The following STAG1 variants were observed in gnomAD, a reference collection of about 807,000 sequenced individuals.
STAG1 encodes the protein cohesin subunit SA-1.
Under a neutral mutation model 170.9 loss-of-function variants are expected in STAG1, and 26 were observed. That is an observed-to-expected ratio of 0.15 (90% CI 0.11 to 0.21). The LOEUF (loss-of-function observed/expected upper bound fraction) is 0.21, where lower values mean the gene tolerates loss of function less well. STAG1 is among the 10% of genes least tolerant of loss of function. The pLI, the probability that STAG1 is intolerant of heterozygous loss-of-function variation, is 1.00. For synonymous variants in STAG1, 514 were observed against 497.7 expected (o/e 1.03, Z -0.44); for missense variants, 964 against 1,509.5 (o/e 0.64, Z 5.99).
chr3:136,454,708 G>A (rs1306456025), intron 13 of STAG1, among the ~76,000 whole-genome samples: 1 of 152,124 alleles, frequency 6.6e-6, no homozygotes, highest in African/African-American at 2.4e-5. Flanking sequence ...TCCATTTATT[G>A]CATATAAATA....
chr3:136,663,757 T>C (rs1311365828), intron 1 of STAG1, among the ~76,000 whole-genome samples: 1 of 152,152 alleles, frequency 6.6e-6, no homozygotes, highest in Non-Finnish European at 1.5e-5. Flanking sequence ...AGAAAGCTGT[T>C]TTATTTTGTT....
intron 7 of STAG1, among the ~76,000 whole-genome samples, chr3:136,516,683 G>T (rs1272976600): frequency 2.6e-5 from 4 of 152,066 alleles, no homozygotes; most frequent in Non-Finnish European, 5.9e-5. Flanking sequence ...AAACCATAAA[G>T]GAAGGGAAAT....
At chr3:136,352,515 G>T (rs545964646) in intron 28 of STAG1, among the ~76,000 whole-genome samples, 8 of 152,240 alleles carry the variant, frequency 5.3e-5, no homozygotes, top group Admixed American at 5.2e-4. Flanking sequence ...AGGAAAATGT[G>T]ATGGATACAT....
At chr3:136,721,566 T>C (rs1055747156) in intron 1 of STAG1, 2 of 152,098 alleles carry the variant, frequency 1.3e-5, no homozygotes, top group Non-Finnish European at 2.9e-5. Context: ...AGTTAAATAA[T>C]TTGGTTCCAT....
intron 7 of STAG1, among the ~76,000 whole-genome samples, chr3:136,520,633 A>G (rs1222037161): frequency 2.6e-5 from 4 of 152,178 alleles, no homozygotes; most frequent in Non-Finnish European, 5.9e-5. Flanking sequence ...TGTCATGATA[A>G]TTCTAAAAGA....
intron 1 of STAG1, among the ~76,000 whole-genome samples, chr3:136,681,665 C>A (rs1252917624): frequency 6.6e-6 from 1 of 152,092 alleles, no homozygotes; most frequent in Non-Finnish European, 1.5e-5. Flanking sequence ...AAACTGAACT[C>A]AACCTCATAT....
chr3:136,372,071 C>A (rs1004745606), intron 23 of STAG1, among the ~76,000 whole-genome samples: 1 of 152,202 alleles, frequency 6.6e-6, no homozygotes, highest in Non-Finnish European at 1.5e-5. Context: ...AGGTCCTTCA[C>A]ATCCCTTGTG....
chr3:136,649,794 G>A (rs1941154216), intron 1 of STAG1, among the ~76,000 whole-genome samples: 2 of 151,218 alleles, frequency 1.3e-5, no homozygotes, highest in South Asian at 4.2e-4. Context: ...TTGAGACAGA[G>A]TCTCACTCTG....
intron 26 of STAG1, among the ~76,000 whole-genome samples, chr3:136,362,186 T>C (rs1466618745): frequency 6.6e-6 from 1 of 151,636 alleles, no homozygotes; most frequent in East Asian, 2.0e-4. Context: ...CTCGAACTCC[T>C]GACCTCAGGT....
At chr3:136,486,804 A>G (rs1430989434) in intron 9 of STAG1, among the ~76,000 whole-genome samples, 1 of 152,130 alleles carries the variant, frequency 6.6e-6, no homozygotes, top group Non-Finnish European at 1.5e-5. Context: ...GGCTGTTTGC[A>G]ACAGGCTAGA....
At chr3:136,387,705 C>A (rs1000374221) in intron 22 of STAG1, among the ~76,000 whole-genome samples, 11 of 152,090 alleles carry the variant, frequency 7.2e-5, no homozygotes, top group Non-Finnish European at 1.5e-4. Flanking sequence ...AATGTAATAC[C>A]TAGTTTTCAG....
intron 7 of STAG1, among the ~76,000 whole-genome samples, chr3:136,512,655 A>C (rs1386708088): frequency 6.6e-6 from 1 of 152,124 alleles, no homozygotes; most frequent in Admixed American, 6.6e-5. Flanking sequence ...AGCCAAGCTT[A>C]AGTGGACTGG....
chr3:136,685,253 T>C (rs13070680), intron 1 of STAG1, among the ~76,000 whole-genome samples: 29,412 of 152,008 alleles, frequency 0.19, 3,007 homozygotes, highest in Middle Eastern at 0.22. Flanking sequence ...GAGGCAGAGG[T>C]TGCAGTAATC....
intron 6 of STAG1, among the ~76,000 whole-genome samples, chr3:136,524,177 A>G (rs558847981): frequency 6.7e-6 from 1 of 149,858 alleles, no homozygotes; most frequent in African/African-American, 2.4e-5. Context: ...TCTATAAATT[A>G]CCTTGGGCAG....
intron 7 of STAG1, among the ~76,000 whole-genome samples, chr3:136,507,701 T>C (rs145052979): frequency 1.3e-5 from 2 of 152,274 alleles, no homozygotes; most frequent in East Asian, 3.9e-4. Flanking sequence ...ACTATATTAT[T>C]TTCCTACTCA....
chr3:136,751,297 G>A (rs1045491439), intron 1 of STAG1, among the ~76,000 whole-genome samples: 2 of 151,704 alleles, frequency 1.3e-5, no homozygotes, highest in African/African-American at 4.8e-5. Flanking sequence ...GTGGGTAGAT[G>A]GGGGTGACGT....
At chr3:136,536,562 G>A (rs1204791081) in intron 6 of STAG1, among the ~76,000 whole-genome samples, 1 of 151,854 alleles carries the variant, frequency 6.6e-6, no homozygotes, top group Non-Finnish European at 1.5e-5. Context: ...TAAGCCAGGC[G>A]TGGTGGTGTG....
intron 21 of STAG1, among the ~76,000 whole-genome samples, chr3:136,417,128 G>A (rs1033841165): frequency 3.9e-5 from 6 of 152,040 alleles, no homozygotes; most frequent in African/African-American, 7.2e-5. Context: ...AATTATAGGC[G>A]TGAACCACTG....
intron 1 of STAG1, among the ~76,000 whole-genome samples, chr3:136,631,875 ATAATGGGGAAGAATGTTCAAAAAATCATG>A (rs1257601939): frequency 2.6e-5 from 4 of 152,206 alleles, no homozygotes; most frequent in African/African-American, 9.7e-5. Context: ...TTGAAGAGAT[ATAATGGGGAAGAATGTTCAAAAAATCATG>A]TAAGATATCA....
Sources: allele counts gnomAD v4.1 joint callset (sites outside exome capture counted in the v4.1 genomes callset), GRCh38; gene constraint gnomAD v4.1.1; transcripts MANE v1.5; gene names NCBI Gene and HGNC (gene_info 2026-07-23, HGNC 2026-07-21).